The following RGSL1 variants were observed in gnomAD, a reference collection of about 807,000 sequenced individuals.
RGSL1 encodes the protein regulator of G protein signaling protein-like.
In RGSL1, 97 loss-of-function variants were observed where a neutral mutation model predicts 124.7. The ratio of observed to expected loss-of-function variants is 0.78; its 90% CI spans 0.66 to 0.92. The LOEUF is 0.92. RGSL1 is among the 40% of genes least tolerant of loss of function. RGSL1 has a pLI of 0.00. For missense variants in RGSL1, 1,233 were observed against 1,288.4 expected (o/e 0.96, Z 0.66); for synonymous variants, 424 against 438.1 (o/e 0.97, Z 0.40).
At chr1:182,548,970 C>T in intron 17 of RGSL1, 146 bp downstream of exon 17, 1 of 949,094 alleles carries the variant, frequency 1.1e-6, no homozygotes, top group Non-Finnish European at 1.5e-6. Flanking sequence ...TCCTATTCAC[C>T]TCACTCCATC....
chr1:182,530,740 T>C (rs1176042907), intron 12 of RGSL1, 50 bp from the exon 13 acceptor site: 4 of 1,478,012 alleles, frequency 2.7e-6, no homozygotes, highest in African/African-American at 1.4e-5. Context: ...TGTCATCTTT[T>C]ATGTGCCAGG....
intron 9 of RGSL1, among the ~76,000 whole-genome samples, chr1:182,503,974 C>CTCTCTTTTTTTTTTTTTTTTTTTTTTTTT (rs1558324838): frequency 8.5e-6 from 1 of 118,240 alleles, no homozygotes. Flanking sequence ...TTTGTAATTT[C>CTCTCTTTTTTTTTTTTTTTTTTTTTTTTT]TTTTTTTTTT....
chr1:182,484,450 C>G (rs1026829615), intron 6 of RGSL1, among the ~76,000 whole-genome samples: 4 of 152,142 alleles, frequency 2.6e-5, no homozygotes, highest in South Asian at 2.1e-4. Flanking sequence ...CTGCTCTGGA[C>G]AGCCAAGGTT....
At chr1:182,479,934 A>T (rs1254475761) in intron 6 of RGSL1, among the ~76,000 whole-genome samples, 1 of 152,226 alleles carries the variant, frequency 6.6e-6, no homozygotes, top group East Asian at 1.9e-4. Context: ...AGGAAGCTGT[A>T]ACAATTATAA....
intron 6 of RGSL1, among the ~76,000 whole-genome samples, chr1:182,484,594 G>C (rs1654955704): frequency 6.6e-6 from 1 of 152,214 alleles, no homozygotes; most frequent in Non-Finnish European, 1.5e-5. Flanking sequence ...GCAGTGACTA[G>C]GAGAGAAATA....
chr1:182,522,342 G>T (rs1658410695), intron 10 of RGSL1, among the ~76,000 whole-genome samples: 1 of 152,026 alleles, frequency 6.6e-6, no homozygotes, highest in Admixed American at 6.5e-5. Flanking sequence ...AACTATCATA[G>T]ACATCTCATG....
chr1:182,517,560 A>T (rs753298388), intron 9 of RGSL1, among the ~76,000 whole-genome samples: 7 of 151,590 alleles, frequency 4.6e-5, no homozygotes, highest in Non-Finnish European at 7.4e-5. Context: ...ACCTTTGTTG[A>T]TTTTTATATT....
intron 2 of RGSL1, among the ~76,000 whole-genome samples, chr1:182,454,586 ATG>A (rs68163917): frequency 0.097 from 13,979 of 144,376 alleles, 692 homozygotes; most frequent in East Asian, 0.17. Flanking sequence ...CTTGAGTTGT[ATG>A]TGTGTGTGTG....
At chr1:182,502,814 T>C (rs1290254540) in intron 9 of RGSL1, among the ~76,000 whole-genome samples, 1 of 152,174 alleles carries the variant, frequency 6.6e-6, no homozygotes, top group East Asian at 1.9e-4. Context: ...CATTTGTAGG[T>C]TTCTTTTTGA....
chr1:182,524,476 A>T (rs982812652), intron 10 of RGSL1, among the ~76,000 whole-genome samples: 10 of 152,236 alleles, frequency 6.6e-5, no homozygotes, highest in African/African-American at 2.4e-4. Context: ...GAGCAAGAAC[A>T]TTCTAAGTAG....
intron 19 of RGSL1, 74 bp from the exon 20 acceptor site, chr1:182,554,553 C>A: frequency 1.5e-6 from 2 of 1,349,526 alleles, no homozygotes; most frequent in Admixed American, 2.0e-5. Flanking sequence ...CATGGTCCTC[C>A]AGGGTGGAGG....
intron 4 of RGSL1, among the ~76,000 whole-genome samples, chr1:182,469,021 C>G (rs1171533614): frequency 2.6e-5 from 4 of 151,906 alleles, no homozygotes; most frequent in Admixed American, 2.6e-4. Flanking sequence ...AAAATTAACT[C>G]AAAATGGATT....
At position 182,472,444 on chromosome 1, in the gene RGSL1, TA is replaced by T. The variant is rs1178718663; in HGVS notation, c.351del (p.Ile117MetfsTer8). 7 of 1,551,070 alleles carry T rather than the reference TA, an allele frequency of 4.5e-6. No homozygotes were observed. Among genetic ancestry groups the T allele is most frequent in the Non-Finnish European group, 6.1e-6 (7 of 1,146,666 alleles). On this transcript the variant is annotated frameshift_variant, in exon 5 of 22. Transcript: ENST00000294854. LOFTEE classifies it high-confidence loss of function. The stretch of plus-strand genomic sequence containing the variant: ...ATCCTTGCTGAGAACATCCTGAGCA[TA>T]GATGAGATGGACCTGGAAGTGAGAG... ...FWILAENILS[I>X]DEMDLEVRDY...
intron 2 of RGSL1, among the ~76,000 whole-genome samples, chr1:182,456,890 T>G (rs931944310): frequency 3.3e-5 from 5 of 152,148 alleles, no homozygotes; most frequent in African/African-American, 1.2e-4. Flanking sequence ...TGATTTGCTG[T>G]AATCCCAGCA....
chr1:182,469,891 A>G (rs1316139983), intron 4 of RGSL1, among the ~76,000 whole-genome samples: 1 of 152,170 alleles, frequency 6.6e-6, no homozygotes, highest in Non-Finnish European at 1.5e-5. Context: ...ATGCTAATTG[A>G]AGTAAGCCAG....
At chr1:182,498,156 T>C (rs917465473) in intron 9 of RGSL1, among the ~76,000 whole-genome samples, 7 of 152,240 alleles carry the variant, frequency 4.6e-5, no homozygotes, top group Admixed American at 6.5e-5. Context: ...AATTCATTAA[T>C]TTATATGAAC....
Position 182,556,024 on chromosome 1 carries a change from AC to A in RGSL1, c.3199del (p.Gln1067LysfsTer27). ...AACTGGCTGTTTTCTCTCCCTTCAGACAAAAATTATCCTACATCAAAAAAGA... is the reference window on the plus strand; with the variant it reads ...AACTGGCTGTTTTCTCTCCCTTCAGAAAAAATTATCCTACATCAAAAAAGA... ...SAMQLHPVQG[Q>X]KLSYIKKEK On this transcript the variant is annotated frameshift_variant and splice_region_variant, in exon 21 of 22. Coordinates refer to ENST00000294854, the MANE Select transcript of RGSL1 (RefSeq NM_001137669.2). LOFTEE classifies it high-confidence loss of function. 6.4e-7 allele frequency: 1 copy of A among 1,551,430 alleles called. No individual in the cohort carries two copies. The highest frequency in any genetic ancestry group is 1.2e-5 in the South Asian group (1 of 84,048).
chr1:182,507,576 C>T (rs971890488), intron 9 of RGSL1, among the ~76,000 whole-genome samples: 8 of 152,166 alleles, frequency 5.3e-5, no homozygotes, highest in Non-Finnish European at 1.2e-4. Context: ...TTTTTTGTGG[C>T]TGGATAATAT....
chr1:182,450,341 C>T lies in RGSL1; in HGVS notation c.13+163C>T, dbSNP rs754308517. On this transcript the variant is annotated intron_variant, in intron 1 of 21. Transcript: ENST00000294854. ...CCTTCTCTTTCTCCTTCTTCCCCTT[C>T]CTCCTACCTTCTGCCACCAGATCTT... is the stretch of plus-strand genomic sequence containing the variant. 1.3e-4 allele frequency: 103 copies of T among 765,856 alleles called. 1 individual carries two copies. The highest frequency in any genetic ancestry group is 9.0e-4 in the Middle Eastern group (4 of 4,452). The allele number at this position is 765,856 out of a possible 1,614,324, so 47.4% of individuals were successfully genotyped here.
Sources: allele counts gnomAD v4.1 joint callset (sites outside exome capture counted in the v4.1 genomes callset), GRCh38; gene constraint gnomAD v4.1.1; transcripts MANE v1.5; gene names NCBI Gene and HGNC (gene_info 2026-07-23, HGNC 2026-07-21).